TTC28: variants seen among roughly 807,000 people sequenced by gnomAD.
TTC28 encodes the protein tetratricopeptide repeat domain 28.
In TTC28, 61 loss-of-function variants were observed where a neutral mutation model predicts 198.0. That is an observed-to-expected ratio of 0.31 (90% CI 0.25 to 0.38). The LOEUF is 0.38. Ranked by LOEUF, TTC28 falls within the 10% of genes least tolerant of loss-of-function variation. The pLI, the probability that TTC28 is intolerant of heterozygous loss-of-function variation, is 1.00. For missense variants in TTC28, 2,678 were observed against 3,164.0 expected (o/e 0.85, Z 3.69); for synonymous variants, 1,171 against 1,297.8 (o/e 0.90, Z 2.10).
chr22:27,993,597 C>T, intron 17 of TTC28, 79 bp from the exon 18 acceptor site: 1 of 1,397,858 alleles, frequency 7.2e-7, no homozygotes, highest in African/African-American at 1.4e-5. Context: ...GTACACAAAG[C>T]CCCAGGGTGA....
rs1280207244 is a variant in TTC28, at chr22:28,564,843, A to T, written c.381+64709T>A. ...ATTTATATATAATTTATAATTTTTT[A>T]TATATTTTATATATATTTTATATAT... On this transcript the variant is annotated intron_variant, in intron 2 of 22. Coordinates refer to ENST00000397906, the MANE Select transcript of TTC28 (RefSeq NM_001145418.2). Among the ~76,000 whole-genome samples, 4 of 147,544 alleles carry T rather than the reference A, an allele frequency of 2.7e-5. No individual in the cohort carries two copies. The East Asian group carries it at 7.8e-4, about 29-fold the overall frequency.
At position 28,629,693 on chromosome 22, in the gene TTC28, C is replaced by T. The variant is rs946839279; in HGVS notation, c.240G>A (p.Leu80=). ...HDGDFHTAIV[L]YNEALAVDPQ... is the part of the protein sequence containing the mutation. ...GGTCAACAGCCAGGGCTTCATTATACAGAACAATAGCTGTGTGGAAATCTC... is the reference window on the plus strand; with the variant it reads ...GGTCAACAGCCAGGGCTTCATTATATAGAACAATAGCTGTGTGGAAATCTC... The change falls in exon 2 of 23, where the codon CTG becomes CTA. Residue 80 remains leucine (L), a synonymous_variant. Coordinates refer to ENST00000397906, the MANE Select transcript of TTC28 (RefSeq NM_001145418.2). The T allele has an allele frequency of 2.6e-6, 4 of 1,551,548 alleles. No individual in the cohort carries two copies. The African/African-American group carries it at 5.5e-5, about 21-fold the overall frequency.
chr22:28,253,894 C>A (rs1209675866), intron 5 of TTC28, among the ~76,000 whole-genome samples: 1 of 151,994 alleles, frequency 6.6e-6, no homozygotes, highest in Non-Finnish European at 1.5e-5. Flanking sequence ...CACTTGAGAT[C>A]AGGAGTTCGA....
At chr22:28,333,532 C>T (rs1280918938) in intron 2 of TTC28, among the ~76,000 whole-genome samples, 2 of 152,040 alleles carry the variant, frequency 1.3e-5, no homozygotes, top group African/African-American at 4.8e-5. Flanking sequence ...CAGGGAGTAA[C>T]TTCCATATGA....
chr22:28,473,120 C>A (rs535189217), intron 2 of TTC28, among the ~76,000 whole-genome samples: 26 of 151,980 alleles, frequency 1.7e-4, no homozygotes, highest in Admixed American at 5.9e-4. Flanking sequence ...CTTATAAACA[C>A]GAGGATTTCT....
intron 2 of TTC28, among the ~76,000 whole-genome samples, chr22:28,320,922 T>C (rs1204193989): frequency 6.6e-6 from 1 of 152,246 alleles, no homozygotes; most frequent in African/African-American, 2.4e-5. Context: ...GAGGTAGGAA[T>C]ATTTACTCCC....
At chr22:28,158,744 C>T (rs563058345) in intron 6 of TTC28, among the ~76,000 whole-genome samples, 4 of 152,280 alleles carry the variant, frequency 2.6e-5, no homozygotes, top group African/African-American at 7.2e-5. Flanking sequence ...TATCCCTTGT[C>T]GTATCTAAAA....
intron 2 of TTC28, among the ~76,000 whole-genome samples, chr22:28,328,756 A>AAATAATAAT (rs199948599): frequency 1.5e-4 from 20 of 134,398 alleles, no homozygotes; most frequent in African/African-American, 2.8e-4. Flanking sequence ...TCTGTCTCAA[A>AAATAATAAT]AATAATAATA....
intron 2 of TTC28, among the ~76,000 whole-genome samples, chr22:28,493,985 C>T (rs181497405): frequency 6.6e-6 from 1 of 152,332 alleles, no homozygotes; most frequent in East Asian, 1.9e-4. Flanking sequence ...CAAACAAACA[C>T]ACTGTGGGGT....
At chr22:28,190,679 C>A (rs1341627381) in intron 5 of TTC28, among the ~76,000 whole-genome samples, 1 of 152,182 alleles carries the variant, frequency 6.6e-6, no homozygotes, top group Non-Finnish European at 1.5e-5. Flanking sequence ...CCCATATTCC[C>A]ACATAGGAAA....
intron 2 of TTC28, among the ~76,000 whole-genome samples, chr22:28,385,205 C>A (rs2046559200): frequency 6.6e-6 from 1 of 150,606 alleles, no homozygotes; most frequent in Admixed American, 6.6e-5. Flanking sequence ...GCTATGTGAC[C>A]CTGAACAAAT....
chr22:28,133,044 G>A (rs1260709764), intron 6 of TTC28, among the ~76,000 whole-genome samples: 1 of 152,192 alleles, frequency 6.6e-6, no homozygotes. Context: ...CCAACATGGT[G>A]AAACCCCGTC....
At chr22:28,084,202 C>A (rs1419553750) in intron 12 of TTC28, among the ~76,000 whole-genome samples, 1 of 152,218 alleles carries the variant, frequency 6.6e-6, no homozygotes, top group Non-Finnish European at 1.5e-5. Flanking sequence ...TGAGAAAGGG[C>A]AGACTGCCTC....
intron 5 of TTC28, among the ~76,000 whole-genome samples, chr22:28,272,741 T>C (rs923480056): frequency 1.3e-5 from 2 of 152,118 alleles, no homozygotes; most frequent in Non-Finnish European, 2.9e-5. Context: ...ACAGGGGAAC[T>C]CACAGAAACT....
At chr22:27,994,434 C>G (rs1937513550) in intron 17 of TTC28, 1 of 150,800 alleles carries the variant, frequency 6.6e-6, no homozygotes, top group Non-Finnish European at 1.5e-5. Context: ...ATGAGTGGTC[C>G]AAGATGTCAC....
At chr22:28,293,753 A>T (rs2044835283) in intron 5 of TTC28, among the ~76,000 whole-genome samples, 1 of 152,232 alleles carries the variant, frequency 6.6e-6, no homozygotes, top group Non-Finnish European at 1.5e-5. Context: ...ATGGTACTTT[A>T]TAATTCCAGA....
intron 1 of TTC28, among the ~76,000 whole-genome samples, chr22:28,673,434 C>T (rs937659019): frequency 2.0e-5 from 3 of 152,140 alleles, no homozygotes; most frequent in East Asian, 3.9e-4. Context: ...TAGCTTCCCC[C>T]CCTTACCTGG....
intron 5 of TTC28, among the ~76,000 whole-genome samples, chr22:28,209,790 G>T (rs1165724941): frequency 1.3e-5 from 2 of 152,170 alleles, no homozygotes; most frequent in Non-Finnish European, 2.9e-5. Flanking sequence ...AGAGAGTAGT[G>T]GTTCTCTCAG....
At chr22:28,310,251 T>A (rs1405766602) in intron 2 of TTC28, among the ~76,000 whole-genome samples, 1 of 152,044 alleles carries the variant, frequency 6.6e-6, no homozygotes, top group African/African-American at 2.4e-5. Context: ...GTGTCTTGAC[T>A]GCTGGCTGCA....
Sources: allele counts gnomAD v4.1 joint callset (sites outside exome capture counted in the v4.1 genomes callset), GRCh38; gene constraint gnomAD v4.1.1; transcripts MANE v1.5; gene names NCBI Gene and HGNC (gene_info 2026-07-23, HGNC 2026-07-21).